MDGA2: variants seen among roughly 807,000 people sequenced by gnomAD.
MDGA2 encodes MAM domain-containing glycosylphosphatidylinositol anchor protein 2.
In MDGA2, 40 loss-of-function variants were observed where a neutral mutation model predicts 117.8. The ratio of observed to expected loss-of-function variants is 0.34; its 90% CI spans 0.26 to 0.44. The LOEUF is 0.44. Ranked by LOEUF, MDGA2 falls within the 20% of genes least tolerant of loss-of-function variation. The pLI is 1.00. For synonymous variants in MDGA2, 452 were observed against 439.0 expected (o/e 1.03, Z -0.37); for missense variants, 1,123 against 1,250.6 (o/e 0.90, Z 1.54).
At chr14:46,876,999 G>A (rs373947103) in intron 12 of MDGA2, among the ~76,000 whole-genome samples, 10 of 151,514 alleles carry the variant, frequency 6.6e-5, no homozygotes, top group Middle Eastern at 3.4e-3. Flanking sequence ...CAATTTTATA[G>A]AATTCATAAC....
At chr14:47,601,508 T>C (rs1030476045) in intron 1 of MDGA2, among the ~76,000 whole-genome samples, 1 of 152,174 alleles carries the variant, frequency 6.6e-6, no homozygotes, top group African/African-American at 2.4e-5. Context: ...GATGCTTACA[T>C]ATAAAGCTAT....
At chr14:47,070,047 A>G (rs1890222858) in intron 6 of MDGA2, among the ~76,000 whole-genome samples, 2 of 152,062 alleles carry the variant, frequency 1.3e-5, no homozygotes, top group South Asian at 2.1e-4. Flanking sequence ...CATCCCTTCA[A>G]GCATTTATCC....
chr14:47,115,436 C>T (rs901593463), intron 5 of MDGA2, among the ~76,000 whole-genome samples: 5 of 151,830 alleles, frequency 3.3e-5, no homozygotes, highest in African/African-American at 1.2e-4. Context: ...CCTAAGAAAC[C>T]CGAGAAATAT....
intron 1 of MDGA2, among the ~76,000 whole-genome samples, chr14:47,555,479 A>G (rs895336272): frequency 2.0e-5 from 3 of 152,158 alleles, no homozygotes; most frequent in African/African-American, 7.2e-5. Flanking sequence ...TGATGATGCC[A>G]TACTCAGTGT....
intron 2 of MDGA2, among the ~76,000 whole-genome samples, chr14:47,267,874 A>G (rs1360909543): frequency 3.3e-5 from 5 of 152,166 alleles, no homozygotes; most frequent in Non-Finnish European, 7.3e-5. Flanking sequence ...AGTCAAAGTT[A>G]TAGTTTCTAG....
rs529732215 is a variant in MDGA2, at chr14:46,868,758, G to A, written c.2752+4675C>T. ...CAACCTCTCCAGCTGTCTCTATATTGTCAGTTACTTTGTGCTCCCATTTAC... is the reference window on the plus strand; with the variant it reads ...CAACCTCTCCAGCTGTCTCTATATTATCAGTTACTTTGTGCTCCCATTTAC... On this transcript the variant is annotated intron_variant, in intron 14 of 16. Transcript: ENST00000399232. Among the ~76,000 whole-genome samples the A allele has an allele frequency of 1.4e-4, 22 of 152,054 alleles. No homozygotes were observed. The East Asian group carries it at 4.1e-3, about 28-fold the overall frequency.
chr14:46,977,949 T>A (rs370149554), intron 8 of MDGA2, among the ~76,000 whole-genome samples: 4 of 151,916 alleles, frequency 2.6e-5, no homozygotes, highest in Non-Finnish European at 5.9e-5. Flanking sequence ...AAATTTCATC[T>A]CCAAAAATGA....
At chr14:47,050,901 G>A (rs1438532334) in intron 7 of MDGA2, among the ~76,000 whole-genome samples, 2 of 151,860 alleles carry the variant, frequency 1.3e-5, no homozygotes, top group Non-Finnish European at 2.9e-5. Context: ...TTTTTGGAGT[G>A]GCATCCTTGG....
At position 47,191,128 on chromosome 14, in the gene MDGA2, A is replaced by G. The variant is rs148266251; in HGVS notation, c.595+26893T>C. Among the ~76,000 whole-genome samples the G allele has an allele frequency of 2.8e-4, 43 of 152,136 alleles. No individual in the cohort carries two copies. In the East Asian group the frequency reaches 7.3e-3, roughly 26 times the overall value. Reference sequence around the variant, plus strand: ...CATCTGAATTTAGCCACTCTAACATATATATACATATCTGTGTGTGTGTGT... The same window carrying G: ...CATCTGAATTTAGCCACTCTAACATGTATATACATATCTGTGTGTGTGTGT... On this transcript the variant is annotated intron_variant, in intron 3 of 16. Coordinates refer to ENST00000399232, the MANE Select transcript of MDGA2 (RefSeq NM_001113498.3).
intron 10 of MDGA2, among the ~76,000 whole-genome samples, chr14:46,907,080 A>C (rs1883527069): frequency 6.8e-6 from 1 of 147,088 alleles, no homozygotes; most frequent in Admixed American, 7.0e-5. Flanking sequence ...AGGTTCAAGC[A>C]ATTCTCCTGC....
At chr14:47,232,523 C>T (rs375004096) in intron 2 of MDGA2, among the ~76,000 whole-genome samples, 1 of 151,952 alleles carries the variant, frequency 6.6e-6, no homozygotes, top group Non-Finnish European at 1.5e-5. Flanking sequence ...GCAATTGAAC[C>T]CTGACTGATA....
At chr14:46,999,287 TA>T (rs141612486) in intron 8 of MDGA2, among the ~76,000 whole-genome samples, 7,463 of 151,474 alleles carry the variant, frequency 0.049, 621 homozygotes, top group African/African-American at 0.17. Context: ...GTAATAAATT[TA>T]AAAAAAAATC....
At chr14:47,614,116 A>G (rs865829959) in intron 1 of MDGA2, among the ~76,000 whole-genome samples, 7 of 120,376 alleles carry the variant, frequency 5.8e-5, no homozygotes, top group Admixed American at 1.8e-4. Context: ...TTTTTTTGAC[A>G]GTGTCTCAAA....
At chr14:47,598,771 G>A (rs1896592789) in intron 1 of MDGA2, among the ~76,000 whole-genome samples, 1 of 152,138 alleles carries the variant, frequency 6.6e-6, no homozygotes, top group South Asian at 2.1e-4. Context: ...GCACAACACT[G>A]TGAGTGTATT....
chr14:47,113,012 C>T (rs1881128889), intron 5 of MDGA2, among the ~76,000 whole-genome samples: 1 of 152,132 alleles, frequency 6.6e-6, no homozygotes, highest in Admixed American at 6.5e-5. Context: ...AGCTTTTTCT[C>T]ATATGCTTGT....
chr14:47,311,060 C>T lies in MDGA2; in HGVS notation c.281-9510G>A, dbSNP rs552061457. ...CTTCCTTGCCTCTTATAAATTATCA[C>T]AGCACCTTAAGAGATCAGGACTCCT... On this transcript the variant is annotated intron_variant, in intron 1 of 16. Transcript: ENST00000399232. Among the ~76,000 whole-genome samples the T allele has an allele frequency of 1.5e-3, 221 of 152,220 alleles. 1 individual carries two copies. Among genetic ancestry groups the T allele is most frequent in the African/African-American group, 5.2e-3 (216 of 41,568 alleles).
intron 3 of MDGA2, among the ~76,000 whole-genome samples, chr14:47,184,485 C>T (rs916799013): frequency 6.6e-6 from 1 of 151,700 alleles, no homozygotes; most frequent in Non-Finnish European, 1.5e-5. Flanking sequence ...CCCATGTAGC[C>T]CAGATTCATT....
At chr14:47,503,966 C>T (rs1218962091) in intron 1 of MDGA2, among the ~76,000 whole-genome samples, 1 of 152,056 alleles carries the variant, frequency 6.6e-6, no homozygotes, top group Non-Finnish European at 1.5e-5. Flanking sequence ...TTTATAGAGC[C>T]TAGTACCAAA....
At chr14:47,398,330 G>C (rs1257106208) in intron 1 of MDGA2, among the ~76,000 whole-genome samples, 1 of 152,170 alleles carries the variant, frequency 6.6e-6, no homozygotes. Context: ...CAAGAGTCTT[G>C]TAGGAAGCAG....
Sources: gnomAD v4.1 joint callset for allele counts (sites outside exome capture counted in the v4.1 genomes callset) on GRCh38, gnomAD v4.1.1 for gene constraint, MANE v1.5 for transcripts, NCBI Gene and HGNC (gene_info 2026-07-23, HGNC 2026-07-21) for gene names.